CHSY3: variants seen among roughly 807,000 people sequenced by gnomAD.
The protein encoded by CHSY3 is chondroitin sulfate synthase 3, also known as N-acetylgalactosaminyl-proteoglycan 3-beta-glucuronosyltransferase 3.
In CHSY3, 35 loss-of-function variants were observed where a neutral mutation model predicts 67.2. The ratio of observed to expected loss-of-function variants is 0.52; its 90% confidence interval spans 0.40 to 0.69. The LOEUF is 0.69. Ranked by LOEUF, CHSY3 falls within the 30% of genes least tolerant of loss-of-function variation. The pLI is 0.00. For missense variants in CHSY3, 1,069 were observed against 1,138.5 expected (o/e 0.94, Z 0.88); for synonymous variants, 474 against 434.7 (o/e 1.09, Z -1.12).
rs147536104 is a variant in CHSY3 at position 129,917,318 on chromosome 5, T to C, written c.1086+8958T>C. The stretch of plus-strand genomic sequence containing the variant: ...TGCTAAAGTTCCTTATATAAAATGG[T>C]GTAGAACAATAGGCCTTCCATATCT... On this transcript the variant is annotated intron_variant, in intron 2 of 2. Coordinates refer to ENST00000305031, the MANE Select transcript of CHSY3 (RefSeq NM_175856.5). 1.5e-3 allele frequency among the ~76,000 whole-genome samples: 232 copies of C among 152,284 alleles called. 3 individuals carry two copies. Among genetic ancestry groups the C allele is most frequent in the African/African-American group, 5.0e-3 (206 of 41,564 alleles).
intron 2 of CHSY3, among the ~76,000 whole-genome samples, chr5:130,106,018 C>G (rs1037470253): frequency 6.6e-6 from 1 of 151,482 alleles, no homozygotes; most frequent in Non-Finnish European, 1.5e-5. Flanking sequence ...AGATATTTTT[C>G]ACTGTGAATA....
intron 2 of CHSY3, among the ~76,000 whole-genome samples, chr5:130,025,666 G>A (rs1764520945): frequency 6.6e-6 from 1 of 152,034 alleles, no homozygotes; most frequent in Non-Finnish European, 1.5e-5. Context: ...CCTGGTTTTT[G>A]AGTCATAGAC....
chr5:130,034,757 T>G (rs1764801899), intron 2 of CHSY3, among the ~76,000 whole-genome samples: 1 of 152,112 alleles, frequency 6.6e-6, no homozygotes, highest in Admixed American at 6.6e-5. Context: ...AAGACAGTGT[T>G]TTGCAATTTT....
intron 2 of CHSY3, among the ~76,000 whole-genome samples, chr5:130,071,061 T>C (rs1580704447): frequency 6.6e-6 from 1 of 151,816 alleles, no homozygotes; most frequent in Non-Finnish European, 1.5e-5. Context: ...TAGTAATAGA[T>C]AGAGATGTTT....
rs577988357 is a variant in CHSY3, at chr5:129,986,328, C to A, written c.1086+77968C>A. ...GTTCTGTTTGTGTGATGAATCACAA[C>A]TATTGATTTGCATATGTTGAACCAA... On this transcript the variant is annotated intron_variant, in intron 2 of 2. Coordinates refer to ENST00000305031, the MANE Select transcript of CHSY3 (RefSeq NM_175856.5). Among the ~76,000 whole-genome samples the A allele has an allele frequency of 2.4e-4, 36 of 152,210 alleles. No individual in the cohort carries two copies. In the South Asian group the frequency reaches 4.4e-3, roughly 18 times the overall value.
intron 2 of CHSY3, among the ~76,000 whole-genome samples, chr5:129,956,111 C>T (rs368314338): frequency 1.8e-4 from 28 of 152,120 alleles, no homozygotes; most frequent in East Asian, 1.4e-3. Flanking sequence ...TTTGAGGAAT[C>T]GCCACACATC....
At chr5:130,012,726 A>G (rs1160590293) in intron 2 of CHSY3, among the ~76,000 whole-genome samples, 1 of 152,090 alleles carries the variant, frequency 6.6e-6, no homozygotes, top group Non-Finnish European at 1.5e-5. Flanking sequence ...ACACAGGAGG[A>G]TTATGGGAAC....
chr5:130,075,155 C>T (rs1462396848), intron 2 of CHSY3, among the ~76,000 whole-genome samples: 4 of 152,108 alleles, frequency 2.6e-5, no homozygotes, highest in African/African-American at 4.8e-5. Context: ...CTTAAATGCG[C>T]TTAAAATGTT....
intron 2 of CHSY3, among the ~76,000 whole-genome samples, chr5:130,030,980 A>G (rs776702796): frequency 4.6e-5 from 7 of 152,036 alleles, no homozygotes; most frequent in Non-Finnish European, 8.8e-5. Context: ...TTTTAATTTT[A>G]ATAGCTAGAG....
At chr5:130,109,767 T>C (rs2149703080) in intron 2 of CHSY3, among the ~76,000 whole-genome samples, 1 of 151,728 alleles carries the variant, frequency 6.6e-6, no homozygotes, top group Middle Eastern at 3.4e-3. Context: ...TGACATGGGG[T>C]TGGAATCTGA....
intron 2 of CHSY3, among the ~76,000 whole-genome samples, chr5:130,143,718 ATATG>A (rs1385970242): frequency 1.6e-5 from 2 of 123,890 alleles, no homozygotes; most frequent in African/African-American, 3.3e-5. Flanking sequence ...GTATATATAT[ATATG>A]TGTGTGTGTG....
intron 2 of CHSY3, among the ~76,000 whole-genome samples, chr5:130,104,232 A>T (rs1161330697): frequency 6.6e-6 from 1 of 151,912 alleles, no homozygotes; most frequent in East Asian, 1.9e-4. Flanking sequence ...GAATGCATCT[A>T]TGAAAATTTC....
intron 2 of CHSY3, among the ~76,000 whole-genome samples, chr5:130,028,816 C>G (rs1325512337): frequency 1.3e-5 from 2 of 151,828 alleles, no homozygotes; most frequent in African/African-American, 4.8e-5. Context: ...TTGTCCCTTT[C>G]TAAAGCTCTC....
intron 2 of CHSY3, among the ~76,000 whole-genome samples, chr5:130,034,274 G>A (rs781719782): frequency 1.1e-4 from 17 of 151,674 alleles, no homozygotes; most frequent in Non-Finnish European, 1.8e-4. Context: ...ATTCTAATAG[G>A]CTTTTAGCTA....
At chr5:129,934,421 CAT>C (rs1048169829) in intron 2 of CHSY3, among the ~76,000 whole-genome samples, 3 of 151,794 alleles carry the variant, frequency 2.0e-5, no homozygotes, top group African/African-American at 7.3e-5. Flanking sequence ...AATAAACAAA[CAT>C]AGTGGTTTTA....
chr5:129,904,266 C>G (rs1183361403), upstream of CHSY3, among the ~76,000 whole-genome samples: 1 of 147,754 alleles, frequency 6.8e-6, no homozygotes, highest in Non-Finnish European at 1.5e-5. Flanking sequence ...GAGGCCGGCT[C>G]TGGACTGAGG....
At chr5:129,931,864 A>C (rs929378071) in intron 2 of CHSY3, among the ~76,000 whole-genome samples, 23 of 152,050 alleles carry the variant, frequency 1.5e-4, no homozygotes, top group Non-Finnish European at 2.9e-4. Flanking sequence ...TCATATAACC[A>C]AGTGTAGCTG....
chr5:129,918,050 G>A (rs1453701441), intron 2 of CHSY3, among the ~76,000 whole-genome samples: 1 of 152,154 alleles, frequency 6.6e-6, no homozygotes, highest in African/African-American at 2.4e-5. Flanking sequence ...GGAGAGTAAT[G>A]AACACTTCTG....
chr5:129,919,500 C>G (rs550287024), intron 2 of CHSY3, among the ~76,000 whole-genome samples: 4 of 152,204 alleles, frequency 2.6e-5, no homozygotes, highest in Admixed American at 6.5e-5. Context: ...GCTGGGGAGG[C>G]CTCACAATCA....
Sources: allele counts gnomAD v4.1 joint callset (sites outside exome capture counted in the v4.1 genomes callset), GRCh38; gene constraint gnomAD v4.1.1; transcripts MANE v1.5; gene names NCBI Gene and HGNC (gene_info 2026-07-23, HGNC 2026-07-21).